The following SIPA1L2 variants were observed in gnomAD, a reference collection of about 807,000 sequenced individuals.
SIPA1L2 encodes the protein signal induced proliferation associated 1 like 2.
SIPA1L2 carries 56 observed loss-of-function variants against 163.9 expected under a neutral mutation model. That is an observed-to-expected ratio of 0.34 (90% CI 0.28 to 0.43). The LOEUF (loss-of-function observed/expected upper bound fraction) is 0.43, where lower values mean the gene tolerates loss of function less well. Ranked by LOEUF, SIPA1L2 falls within the 20% of genes least tolerant of loss-of-function variation. The pLI, the probability that SIPA1L2 is intolerant of heterozygous loss-of-function variation, is 1.00. For missense variants in SIPA1L2, 1,974 were observed against 2,193.5 expected, an observed-to-expected ratio of 0.90 and a Z score of 2.00; for synonymous variants, 877 against 865.7, an observed-to-expected ratio of 1.01 and a Z score of -0.23.
At chr1:232,491,661 T>A (rs1023531260) in intron 4 of SIPA1L2, among the ~76,000 whole-genome samples, 1 of 152,094 alleles carries the variant, frequency 6.6e-6, no homozygotes, top group Non-Finnish European at 1.5e-5. Context: ...CAATGAATAT[T>A]TGGAGCACGT....
chr1:232,465,533 CATATACATACACACAT>C lies in SIPA1L2; in HGVS notation c.2244-133_2244-118del. ...ACATATACATACACACACACACACA[CATATACATACACACAT>C]ACACACACACTTTCAACTTAACTGG... On this transcript the variant is annotated intron_variant, in intron 8 of 22. Coordinates refer to ENST00000674635, the MANE Select transcript of SIPA1L2 (RefSeq NM_020808.5). This position sits in a 1 kb window ranked among gnomAD's most constrained non-coding sequence, Gnocchi z 4.1. 4 of 799,900 alleles carry C rather than the reference CATATACATACACACAT, an allele frequency of 5.0e-6. No individual in the cohort carries two copies. Among genetic ancestry groups the C allele is most frequent in the Non-Finnish European group, 5.9e-6 (3 of 511,450 alleles). The allele number at this position is 799,900 out of a possible 1,614,324, so 49.6% of individuals were successfully genotyped here.
At position 232,439,459 on chromosome 1, in the gene SIPA1L2, T is replaced by C; in HGVS notation, c.3680A>G (p.Asn1227Ser). The change falls in exon 15 of 23, where the codon AAC (asparagine) becomes AGC (serine). Residue 1227 changes from asparagine (N) to serine (S), a missense_variant. By Grantham distance (46) the Asn-to-Ser change is conservative. Transcript: ENST00000674635. ...GCTGGAGGTGTTGCTGGAGAGCGTG[T>C]TGCTGCTGGAGTGACTGGAGCAACT... ...DKSCSSHSSSNTLSSNTSSNS... is the reference protein window; with the variant it reads ...DKSCSSHSSSSTLSSNTSSNS... 1 of 1,614,120 alleles carries C rather than the reference T, an allele frequency of 6.2e-7. No individual in the cohort carries two copies. Among genetic ancestry groups the C allele is most frequent in the Non-Finnish European group, 8.5e-7 (1 of 1,179,994 alleles).
intron 16 of SIPA1L2, among the ~76,000 whole-genome samples, chr1:232,431,971 C>T (rs1020972142): frequency 6.6e-6 from 1 of 152,228 alleles, no homozygotes; most frequent in Non-Finnish European, 1.5e-5. Context: ...AGACGCTATA[C>T]TCACACCATC....
intron 7 of SIPA1L2, among the ~76,000 whole-genome samples, chr1:232,476,383 T>C (rs1665048727): frequency 6.6e-6 from 1 of 152,156 alleles, no homozygotes; most frequent in African/African-American, 2.4e-5. Flanking sequence ...TACGCATACA[T>C]TAAAAAATAG....
intron 1 of SIPA1L2, among the ~76,000 whole-genome samples, chr1:232,602,153 A>G (rs1222644641): frequency 1.3e-5 from 2 of 152,130 alleles, no homozygotes; most frequent in African/African-American, 4.8e-5. Context: ...CCAAGCAACA[A>G]GAAGAGCTTG....
chr1:232,479,592 T>G (rs1422388688), intron 7 of SIPA1L2, 35 bp downstream of exon 7: 1 of 1,550,854 alleles, frequency 6.4e-7, no homozygotes, highest in Non-Finnish European at 8.9e-7. Context: ...GATTTCATAC[T>G]CAGCGTAAAA....
intron 19 of SIPA1L2, among the ~76,000 whole-genome samples, chr1:232,413,006 T>G (rs1338894131): frequency 2.0e-5 from 3 of 152,238 alleles, no homozygotes; most frequent in Non-Finnish European, 2.9e-5. Context: ...CTGAGGGCAC[T>G]GGCTAGGGAG....
At chr1:232,573,999 T>C (rs1359869530) in intron 2 of SIPA1L2, among the ~76,000 whole-genome samples, 175 bp downstream of exon 2, 1 of 152,168 alleles carries the variant, frequency 6.6e-6, no homozygotes, top group African/African-American at 2.4e-5. Flanking sequence ...ATGAGCTTTC[T>C]TAAAACAATG....
Position 232,432,411 on chromosome 1 carries a change from A to C in SIPA1L2, c.4092T>G (p.Asp1364Glu), listed in dbSNP as rs748042219. 8.1e-6 allele frequency: 13 copies of C among 1,614,122 alleles called. No individual in the cohort carries two copies. The South Asian group carries it at 1.4e-4, about 18-fold the overall frequency. Residue 1364 changes from aspartate to glutamate, a missense_variant, in exon 16 of 23, where the codon GAT becomes GAG. Asp to Glu is a conservative substitution (Grantham distance 45). Coordinates refer to ENST00000674635, the MANE Select transcript of SIPA1L2 (RefSeq NM_020808.5). Reference sequence around the variant, plus strand: ...GAGACACGATGTAGACTTTGGATGAATCCAGAGACCCACTACTTTTTGAAC... The same window carrying C: ...GAGACACGATGTAGACTTTGGATGACTCCAGAGACCCACTACTTTTTGAAC... ...AHCSKSSGSL[D>E]SSKVYIVSHS...
chr1:232,561,077 C>T (rs1346201340), intron 2 of SIPA1L2, among the ~76,000 whole-genome samples: 1 of 152,206 alleles, frequency 6.6e-6, no homozygotes, highest in Non-Finnish European at 1.5e-5. Context: ...TTGGTTTAGA[C>T]ATTCCCACCG....
chr1:232,528,103 A>ATATATATATATATATCG lies in SIPA1L2; in HGVS notation c.-269-12496_-269-12495insCGATATATATATATATA, dbSNP rs1558246735. 3.7e-3 allele frequency among the ~76,000 whole-genome samples: 191 copies of ATATATATATATATATCG among 51,692 alleles called. 5 individuals are homozygous for ATATATATATATATATCG. Among genetic ancestry groups the ATATATATATATATATCG allele is most frequent in the African/African-American group, 0.013 (166 of 12,758 alleles). The allele number at this position is 51,692 out of a possible 152,430, so 33.9% of individuals were successfully genotyped here. On this transcript the variant is annotated intron_variant, in intron 2 of 22. Transcript: ENST00000674635. ...TTATATATATATATATATATATATA[A>ATATATATATATATATCG]TCAACTTTCTAAAAACCACAGGTAG...
chr1:232,524,723 T>C (rs532617034), intron 2 of SIPA1L2, among the ~76,000 whole-genome samples: 1 of 152,216 alleles, frequency 6.6e-6, no homozygotes, highest in East Asian at 1.9e-4. Context: ...TATAATATTA[T>C]GTGTAAACAG....
intron 10 of SIPA1L2, among the ~76,000 whole-genome samples, chr1:232,449,448 G>A (rs1558186447): frequency 6.6e-6 from 1 of 151,258 alleles, no homozygotes; most frequent in Non-Finnish European, 1.5e-5. Context: ...AACCCAAGAG[G>A]CGGAGCTTGC....
intron 10 of SIPA1L2, among the ~76,000 whole-genome samples, chr1:232,453,746 CTTT>C (rs10711839): frequency 2.4e-4 from 31 of 130,200 alleles, no homozygotes; most frequent in African/African-American, 6.8e-4. Flanking sequence ...AAACACAAGG[CTTT>C]TTTTTTTTTT....
chr1:232,439,596 G>A, intron 14 of SIPA1L2, 100 bp from the exon 15 acceptor site: 1 of 1,385,020 alleles, frequency 7.2e-7, no homozygotes, highest in African/African-American at 1.4e-5. Context: ...TCGCACCCAA[G>A]CCCTTTCTAC....
At chr1:232,566,637 C>G (rs894802607) in intron 2 of SIPA1L2, among the ~76,000 whole-genome samples, 1 of 152,154 alleles carries the variant, frequency 6.6e-6, no homozygotes, top group Non-Finnish European at 1.5e-5. Flanking sequence ...CCTTAATAGA[C>G]GGACTTTCAC....
chr1:232,563,061 G>C (rs1048707455), intron 2 of SIPA1L2, among the ~76,000 whole-genome samples: 2 of 152,152 alleles, frequency 1.3e-5, no homozygotes, highest in African/African-American at 4.8e-5. Context: ...TGAACTGTGA[G>C]GTGGGGGAGC....
intron 1 of SIPA1L2, among the ~76,000 whole-genome samples, chr1:232,596,985 T>C (rs185135304): frequency 6.6e-6 from 1 of 152,278 alleles, no homozygotes; most frequent in East Asian, 1.9e-4. Flanking sequence ...GACCATTTGG[T>C]TTTCACAACA....
In SIPA1L2 at chr1:232,445,837, C is replaced by T. The variant is rs745734744; in HGVS notation, c.3096-51G>A. The T allele has an allele frequency of 1.9e-6, 3 of 1,580,010 alleles. No homozygotes were observed. In the South Asian group the frequency reaches 3.5e-5, roughly 19 times the overall value. ...GAAGGGAAGCTCTCAGCTGAGCTGT[C>T]AGCATGGCTTACTCACAGCTGGGCC... On this transcript the variant is annotated intron_variant, in intron 10 of 22. Transcript: ENST00000674635.
Sources: gnomAD v4.1 joint callset for allele counts (sites outside exome capture counted in the v4.1 genomes callset) on GRCh38, gnomAD v4.1.1 for gene constraint, Gnocchi (gnomAD v3.1) non-coding constraint, MANE v1.5 for transcripts, NCBI Gene and HGNC (gene_info 2026-07-23, HGNC 2026-07-21) for gene names.